UVRAG: variants seen among roughly 807,000 people sequenced by gnomAD.
UVRAG encodes UV radiation resistance associated.
UVRAG carries 19 observed loss-of-function variants against 78.0 expected under a neutral mutation model. The observed-to-expected ratio is 0.24, with a 90% confidence interval of 0.17 to 0.36. UVRAG has a LOEUF of 0.36. Ranked by LOEUF, UVRAG falls within the 10% of genes least tolerant of loss-of-function variation. The pLI, the probability that UVRAG is intolerant of heterozygous loss-of-function variation, is 1.00. For synonymous variants in UVRAG, 323 were observed against 324.6 expected (o/e 1.00, Z 0.05); for missense variants, 740 against 853.8 (o/e 0.87, Z 1.66).
intron 12 of UVRAG, among the ~76,000 whole-genome samples, chr11:76,051,915 G>A (rs1372984215): frequency 1.3e-5 from 2 of 152,156 alleles, no homozygotes; most frequent in East Asian, 1.9e-4. Context: ...CGTGGTGTGT[G>A]TAGAGGGCCC....
At chr11:75,959,190 G>A (rs1948863501) in intron 6 of UVRAG, among the ~76,000 whole-genome samples, 1 of 152,174 alleles carries the variant, frequency 6.6e-6, no homozygotes, top group African/African-American at 2.4e-5. Flanking sequence ...TAGTAAAAGA[G>A]TCAGTCTGTC....
chr11:76,055,628 A>T (rs1371674519), intron 12 of UVRAG, among the ~76,000 whole-genome samples: 1 of 152,242 alleles, frequency 6.6e-6, no homozygotes, highest in Non-Finnish European at 1.5e-5. Context: ...TCAATGCTTC[A>T]TCATGCATAT....
intron 7 of UVRAG, among the ~76,000 whole-genome samples, chr11:75,970,851 A>G (rs563920005): frequency 3.5e-4 from 53 of 152,264 alleles, no homozygotes; most frequent in Middle Eastern, 3.4e-3. Context: ...TATATTGATT[A>G]ATTAATATTA....
chr11:76,013,882 C>T (rs556089895), intron 11 of UVRAG, among the ~76,000 whole-genome samples: 1 of 152,320 alleles, frequency 6.6e-6, no homozygotes, highest in South Asian at 2.1e-4. Context: ...TATTGGAAAT[C>T]TAACACCACA....
rs372402353 is a variant in UVRAG at position 75,860,150 on chromosome 11, G to C, written c.236-1596G>C. Among the ~76,000 whole-genome samples, 8 of 152,298 alleles carry C rather than the reference G, an allele frequency of 5.3e-5. No individual in the cohort carries two copies. In the East Asian group the frequency reaches 1.2e-3, roughly 22 times the overall value. On this transcript the variant is annotated intron_variant, in intron 2 of 14. Transcript: ENST00000356136. Reference sequence around the variant, plus strand: ...AGTAGAGACAGGATTTCACCATGTTGGCCAGACTGGTCTTGAACTGCTGAC... The same window carrying C: ...AGTAGAGACAGGATTTCACCATGTTCGCCAGACTGGTCTTGAACTGCTGAC...
At chr11:75,990,933 T>C (rs563954419) in intron 8 of UVRAG, among the ~76,000 whole-genome samples, 3 of 152,330 alleles carry the variant, frequency 2.0e-5, no homozygotes, top group East Asian at 1.9e-4. Context: ...ATCGTACTTA[T>C]GCTTATTGGT....
intron 8 of UVRAG, among the ~76,000 whole-genome samples, chr11:75,999,038 G>A (rs1949758879): frequency 6.6e-6 from 1 of 152,076 alleles, no homozygotes; most frequent in Non-Finnish European, 1.5e-5. Context: ...TTCAAGACCA[G>A]CCTGGCCAAC....
intron 8 of UVRAG, among the ~76,000 whole-genome samples, chr11:75,993,703 G>C (rs1403008496): frequency 1.3e-5 from 2 of 152,142 alleles, no homozygotes; most frequent in East Asian, 3.8e-4. Context: ...GTTTCTTATT[G>C]TATTAGTCCA....
intron 8 of UVRAG, among the ~76,000 whole-genome samples, chr11:75,995,583 T>G (rs1483331633): frequency 6.6e-6 from 1 of 151,610 alleles, no homozygotes; most frequent in Admixed American, 6.6e-5. Flanking sequence ...GTTAGTAAAT[T>G]ACTGTGTCCT....
At chr11:75,935,075 T>G (rs144574943) in intron 6 of UVRAG, 2 of 152,302 alleles carry the variant, frequency 1.3e-5, no homozygotes, top group African/African-American at 4.8e-5. Context: ...GGTATTATGA[T>G]GTAGGGCTGT....
chr11:76,122,444 T>G (rs970130861), intron 14 of UVRAG, among the ~76,000 whole-genome samples: 1 of 152,148 alleles, frequency 6.6e-6, no homozygotes, highest in Non-Finnish European at 1.5e-5. Flanking sequence ...CCTTTCCCTA[T>G]AAAATGAGGG....
Position 76,144,029 on chromosome 11 carries a change from C to T in UVRAG, c.*2616C>T, listed in dbSNP as rs1466059815. Reference sequence around the variant, plus strand: ...TTTAGAAATTCCAGAGATTTTTTTCCCCTCAGAATATTAGTTTTGGAAGAT... The same window carrying T: ...TTTAGAAATTCCAGAGATTTTTTTCTCCTCAGAATATTAGTTTTGGAAGAT... On this transcript the variant is annotated 3_prime_UTR_variant, in exon 15 of 15. Transcript: ENST00000356136. Among the ~76,000 whole-genome samples, 10 of 151,992 alleles carry T rather than the reference C, an allele frequency of 6.6e-5. No homozygotes were observed. Among genetic ancestry groups the T allele is most frequent in the Admixed American group, 6.6e-4 (10 of 15,266 alleles).
chr11:75,990,770 T>C (rs76223121), intron 8 of UVRAG, among the ~76,000 whole-genome samples: 1,613 of 152,322 alleles, frequency 0.011, 29 homozygotes, highest in African/African-American at 0.037. Context: ...TATTTTTCCA[T>C]GATAGCACTT....
At position 75,950,181 on chromosome 11, in the gene UVRAG, CT is replaced by C. The variant is rs111503110; in HGVS notation, c.594-11258del. 5.2e-3 allele frequency among the ~76,000 whole-genome samples: 788 copies of C among 152,188 alleles called. 8 individuals carry two copies. Among genetic ancestry groups the C allele is most frequent in the African/African-American group, 0.017 (726 of 41,508 alleles). On this transcript the variant is annotated intron_variant, in intron 6 of 14. Coordinates refer to ENST00000356136, the MANE Select transcript of UVRAG (RefSeq NM_003369.4). ...TTGATGGATATTTGGATTGTTTCTA[CT>C]TTTTGGCTATTATAAATAAAGCCGA...
At chr11:75,949,721 ACAC>A (rs1308727013) in intron 6 of UVRAG, among the ~76,000 whole-genome samples, 3 of 148,908 alleles carry the variant, frequency 2.0e-5, no homozygotes, top group African/African-American at 7.5e-5. Flanking sequence ...ATATACACAC[ACAC>A]ACACACATAT....
intron 12 of UVRAG, among the ~76,000 whole-genome samples, chr11:76,062,271 A>G (rs1951108189): frequency 6.6e-6 from 1 of 152,176 alleles, no homozygotes; most frequent in Non-Finnish European, 1.5e-5. Flanking sequence ...TTTTCATCAA[A>G]TAAGTTAACT....
chr11:76,049,819 T>A (rs1043504187), intron 12 of UVRAG, among the ~76,000 whole-genome samples: 1 of 152,162 alleles, frequency 6.6e-6, no homozygotes, highest in East Asian at 1.9e-4. Context: ...CAATACAGTG[T>A]CAAAGGTACC....
At position 75,893,826 on chromosome 11, in the gene UVRAG, G is replaced by T. The variant is rs1314300220; in HGVS notation, c.507+4923G>T. On this transcript the variant is annotated intron_variant, in intron 5 of 14. Coordinates refer to ENST00000356136, the MANE Select transcript of UVRAG (RefSeq NM_003369.4). ...CCATTGCACTCTAGCCTATGTGACA[G>T]AAAAAAAAAAAAAGCGAGGGTGAGA... Among the ~76,000 whole-genome samples the T allele has an allele frequency of 2.9e-5, 4 of 135,740 alleles. No homozygotes were observed. In the South Asian group the frequency reaches 7.6e-4, roughly 26 times the overall value. The allele number at this position is 135,740 out of a possible 152,430, so 89.1% of individuals were successfully genotyped here.
intron 5 of UVRAG, among the ~76,000 whole-genome samples, chr11:75,905,104 G>A (rs1039867767): frequency 1.3e-5 from 2 of 151,990 alleles, no homozygotes; most frequent in African/African-American, 2.4e-5. Context: ...AGCTTTTTCC[G>A]TAAAATAAGA....
Sources: allele counts gnomAD v4.1 joint callset (sites outside exome capture counted in the v4.1 genomes callset), GRCh38; gene constraint gnomAD v4.1.1; transcripts MANE v1.5; gene names NCBI Gene and HGNC (gene_info 2026-07-23, HGNC 2026-07-21).